ACTR3C: variants seen among roughly 807,000 people sequenced by gnomAD.
ACTR3C encodes the protein actin-related protein 3C.
ACTR3C carries 18 observed loss-of-function variants against 26.3 expected under a neutral mutation model. That is an observed-to-expected ratio of 0.68 (90% CI 0.47 to 1.01). The LOEUF (loss-of-function observed/expected upper bound fraction) is 1.01, where lower values mean the gene tolerates loss of function less well. ACTR3C is among the 50% of genes least tolerant of loss of function. ACTR3C has a pLI of 0.00. For synonymous variants in ACTR3C, 55 were observed against 94.5 expected (o/e 0.58, Z 2.42); for missense variants, 184 against 250.7 (o/e 0.73, Z 1.80).
At chr7:150,284,617 T>C in intron 6 of ACTR3C, 136 bp downstream of exon 6, 1 of 707,504 alleles carries the variant, frequency 1.4e-6, no homozygotes, top group Non-Finnish European at 2.1e-6. Flanking sequence ...ACAATTATAT[T>C]GTCTTTAACA....
chr7:150,275,036 C>A (rs1050062627), intron 6 of ACTR3C, among the ~76,000 whole-genome samples: 16 of 152,176 alleles, frequency 1.1e-4, no homozygotes, highest in African/African-American at 3.9e-4. Flanking sequence ...GCATTTTAGC[C>A]AGAAAGTATC....
chr7:149,965,193 G>A, the ACTR3C span, among the ~76,000 whole-genome samples: 3 of 146,450 alleles, frequency 2.0e-5, no homozygotes, highest in Non-Finnish European at 4.5e-5. Context: ...ACAAATCAGA[G>A]TTGAAAGGGT....
At chr7:150,018,912 G>GGTGT in the ACTR3C span, among the ~76,000 whole-genome samples, 167 of 147,988 alleles carry the variant, frequency 1.1e-3, 7 homozygotes, top group Admixed American at 2.3e-3. Flanking sequence ...GCCTTAAAAT[G>GGTGT]GTGTGTGTGT....
At chr7:149,945,060 G>A in the ACTR3C span, among the ~76,000 whole-genome samples, 1 of 151,734 alleles carries the variant, frequency 6.6e-6, no homozygotes, top group Non-Finnish European at 1.5e-5. Flanking sequence ...CCAGGGAAAT[G>A]TTGTTGTTGC....
At chr7:150,261,807 A>ATTTT (rs1833659432) in intron 6 of ACTR3C, among the ~76,000 whole-genome samples, 1 of 41,138 alleles carries the variant, frequency 2.4e-5, no homozygotes, top group Admixed American at 2.8e-4. Context: ...CATATACTGA[A>ATTTT]GTACTAGCTC....
chr7:150,152,250 C>A, the ACTR3C span, among the ~76,000 whole-genome samples: 13 of 152,194 alleles, frequency 8.5e-5, no homozygotes, highest in East Asian at 2.5e-3. Context: ...AGTTTTTGCC[C>A]ATTCAGTATG....
the ACTR3C span, among the ~76,000 whole-genome samples, chr7:150,019,672 C>T: frequency 1.3e-5 from 2 of 151,040 alleles, no homozygotes; most frequent in African/African-American, 2.4e-5. Context: ...CAGGGCCATT[C>T]TACCTCCTAG....
At chr7:149,942,060 C>G in the ACTR3C span, among the ~76,000 whole-genome samples, 1 of 152,232 alleles carries the variant, frequency 6.6e-6, no homozygotes, top group Non-Finnish European at 1.5e-5. Flanking sequence ...CACACAGGCT[C>G]TCACCATTCG....
At chr7:150,195,726 A>G in the ACTR3C span, among the ~76,000 whole-genome samples, 1 of 152,214 alleles carries the variant, frequency 6.6e-6, no homozygotes, top group African/African-American at 2.4e-5. Flanking sequence ...TAAAAATACA[A>G]AAATTAGTCA....
the ACTR3C span, among the ~76,000 whole-genome samples, chr7:150,135,767 G>GAGAAAGAA: frequency 1.1e-3 from 154 of 142,714 alleles, no homozygotes; most frequent in African/African-American, 3.7e-3. Flanking sequence ...TGAACTCTGA[G>GAGAAAGAA]AGAAAGAAAG....
At chr7:150,299,716 G>A (rs1795275091) in intron 1 of ACTR3C, among the ~76,000 whole-genome samples, 1 of 152,106 alleles carries the variant, frequency 6.6e-6, no homozygotes, top group Non-Finnish European at 1.5e-5. Context: ...AACCCGGGAG[G>A]CAGAGGTTGC....
At chr7:150,034,070 CG>C in the ACTR3C span, among the ~76,000 whole-genome samples, 1 of 146,938 alleles carries the variant, frequency 6.8e-6, no homozygotes, top group African/African-American at 2.5e-5. Context: ...CCCCGCCTCG[CG>C]GGGGGTGCCT....
chr7:150,272,836 G>A (rs1222047962), intron 6 of ACTR3C, among the ~76,000 whole-genome samples: 1 of 136,868 alleles, frequency 7.3e-6, no homozygotes, highest in Non-Finnish European at 1.5e-5. Flanking sequence ...GACTACAGGT[G>A]CATCCAACAC....
At chr7:150,222,741 CTT>C in the ACTR3C span, among the ~76,000 whole-genome samples, 73 of 152,282 alleles carry the variant, frequency 4.8e-4, no homozygotes, top group African/African-American at 1.6e-3. Context: ...AGCTTGAACA[CTT>C]TGCACAGAAA....
chr7:149,961,305 T>C, the ACTR3C span, among the ~76,000 whole-genome samples: 2 of 151,722 alleles, frequency 1.3e-5, no homozygotes, highest in Non-Finnish European at 2.9e-5. Context: ...TCACAGGAAT[T>C]GCACAGAGAG....
At chr7:149,967,021 A>T in the ACTR3C span, among the ~76,000 whole-genome samples, 1 of 104,538 alleles carries the variant, frequency 9.6e-6, no homozygotes, top group African/African-American at 3.3e-5. Context: ...GTCACCATGC[A>T]CAGCTAATTT....
the ACTR3C span, among the ~76,000 whole-genome samples, chr7:149,970,392 G>A: frequency 2.0e-5 from 3 of 151,944 alleles, no homozygotes; most frequent in Non-Finnish European, 4.4e-5. Flanking sequence ...ATGTTTAGCT[G>A]ATCTACCAAG....
At chr7:149,976,341 G>A in the ACTR3C span, among the ~76,000 whole-genome samples, 27 of 152,246 alleles carry the variant, frequency 1.8e-4, no homozygotes, top group Non-Finnish European at 3.2e-4. Flanking sequence ...TTGGGAGGCT[G>A]AGGCGGGCGG....
the ACTR3C span, among the ~76,000 whole-genome samples, chr7:150,157,094 G>A: frequency 7.1e-6 from 1 of 141,394 alleles, no homozygotes. Flanking sequence ...GCTGTGAGAT[G>A]AGAAGCATGG....
Sources: gnomAD v4.1 joint callset for allele counts (sites outside exome capture counted in the v4.1 genomes callset) on GRCh38, gnomAD v4.1.1 for gene constraint, MANE v1.5 for transcripts, NCBI Gene and HGNC (gene_info 2026-07-23, HGNC 2026-07-21) for gene names.